SAMMSON: variants seen among roughly 807,000 people sequenced by gnomAD.
SAMMSON encodes long intergenic non-protein coding RNA 1212.
At chr3:70,020,431 T>C (rs926617068) in intron 3 of SAMMSON, among the ~76,000 whole-genome samples, 4 of 152,208 alleles carry the variant, frequency 2.6e-5, no homozygotes, top group African/African-American at 9.6e-5. Context: ...GCACTGATTT[T>C]CTTCTATTAG....
At chr3:70,296,194 T>G (rs1702287802) in intron 7 of SAMMSON, among the ~76,000 whole-genome samples, 1 of 152,224 alleles carries the variant, frequency 6.6e-6, no homozygotes, top group African/African-American at 2.4e-5. Context: ...TTTACCCATA[T>G]CACTAACCAT....
chr3:70,205,461 T>TCTTC (rs1420869084), intron 4 of SAMMSON: 3 of 152,130 alleles, frequency 2.0e-5, no homozygotes, highest in Non-Finnish European at 4.4e-5. Flanking sequence ...ATGATAGAAA[T>TCTTC]CTTCCTTACT....
rs1186002326 is a variant in SAMMSON, at chr3:70,361,347, T to A, written n.913+3023T>A. Among the ~76,000 whole-genome samples, 8 of 152,194 alleles carry A rather than the reference T, an allele frequency of 5.3e-5. No homozygotes were observed. In the South Asian group the frequency reaches 1.7e-3, roughly 31 times the overall value. ...TCCGACATTTCTAGATTACCAATTT[T>A]CAAAGAATTATAAGAAATTAGACAT... On this transcript the variant is annotated intron_variant and non_coding_transcript_variant, in intron 9 of 9. Transcript: ENST00000642114.
In SAMMSON at chr3:70,168,120, T is replaced by G. The variant is rs117352741; in HGVS notation, n.508-80987T>G. Among the ~76,000 whole-genome samples, 118 of 152,094 alleles carry G rather than the reference T, an allele frequency of 7.8e-4. 1 individual carries two copies. The East Asian group carries it at 0.011, about 15-fold the overall frequency. On this transcript the variant is annotated intron_variant and non_coding_transcript_variant, in intron 4 of 9. Transcript: ENST00000642114. ...AGGACAAAGAGTGGTTCTCCTCCAG[T>G]TTTCCTATTCCATCTTTGAGTATCT... is the stretch of plus-strand genomic sequence containing the variant.
At chr3:70,414,458 C>T (rs1701246223) in intron 2 of SAMMSON, among the ~76,000 whole-genome samples, 1 of 152,112 alleles carries the variant, frequency 6.6e-6, no homozygotes, top group African/African-American at 2.4e-5. Flanking sequence ...AAGGCATCCC[C>T]TGCAAAGGTG....
At position 70,226,737 on chromosome 3, in the gene SAMMSON, TAA is replaced by T. The variant is rs369777217; in HGVS notation, n.508-22352_508-22351del. ...TGGGCAACAGAGAGAGACTCTGTCT[TAA>T]AAAAAAAAAAAAAAAAATAGTGTGC... On this transcript the variant is annotated intron_variant and non_coding_transcript_variant, in intron 4 of 9. Coordinates refer to ENST00000642114, the Ensembl canonical transcript of SAMMSON. 2.8e-3 allele frequency among the ~76,000 whole-genome samples: 337 copies of T among 121,344 alleles called. 2 individuals are homozygous for T. The highest frequency in any genetic ancestry group is 9.6e-3 in the African/African-American group (311 of 32,406). 79.6% of individuals were successfully genotyped at this position (121,344 alleles called of 152,430 possible).
chr3:70,337,131 C>A (rs1306580136), intron 7 of SAMMSON, among the ~76,000 whole-genome samples: 2 of 79,206 alleles, frequency 2.5e-5, no homozygotes, highest in Admixed American at 1.5e-4. Context: ...ATAATAATAT[C>A]TAACTTAATA....
chr3:70,432,774 G>T (rs1701424642), intron 2 of SAMMSON, among the ~76,000 whole-genome samples: 1 of 151,898 alleles, frequency 6.6e-6, no homozygotes, highest in Admixed American at 6.6e-5. Flanking sequence ...ATATAGAATG[G>T]TTTCACTGCC....
intron 3 of SAMMSON, among the ~76,000 whole-genome samples, chr3:70,034,793 A>G (rs553005536): frequency 3.0e-4 from 46 of 152,232 alleles, no homozygotes; most frequent in African/African-American, 1.1e-3. Context: ...GCAGTGAGCC[A>G]AGATTGTGCT....
chr3:70,132,926 A>C (rs2067488665), intron 4 of SAMMSON, among the ~76,000 whole-genome samples: 1 of 152,272 alleles, frequency 6.6e-6, no homozygotes, highest in East Asian at 1.9e-4. Flanking sequence ...TGACTTAGAC[A>C]TGAGTGTTTG....
chr3:70,146,324 A>G (rs1438013065), intron 4 of SAMMSON, among the ~76,000 whole-genome samples: 1 of 152,048 alleles, frequency 6.6e-6, no homozygotes, highest in Non-Finnish European at 1.5e-5. Context: ...GTTTTATGAC[A>G]CCAGAATACC....
intron 6 of SAMMSON, among the ~76,000 whole-genome samples, chr3:70,290,105 A>T (rs1428099783): frequency 6.6e-6 from 1 of 152,126 alleles, no homozygotes; most frequent in Non-Finnish European, 1.5e-5. Context: ...GCTGGTGAGG[A>T]GCTGCGTTCC....
chr3:70,297,626 G>T lies in SAMMSON; in HGVS notation n.739+6383G>T, dbSNP rs992933462. 3.3e-5 allele frequency among the ~76,000 whole-genome samples: 5 copies of T among 152,144 alleles called. No individual in the cohort carries two copies. The South Asian group carries it at 1.0e-3, about 32-fold the overall frequency. On this transcript the variant is annotated intron_variant and non_coding_transcript_variant, in intron 7 of 9. Transcript: ENST00000642114. ...AAATGCATTAAATTCTTCCTTCAAG[G>T]ATGGAAAAATATTTGACTTAGTTTC... is the stretch of plus-strand genomic sequence containing the variant.
chr3:70,386,991 G>A (rs376942785), intron 9 of SAMMSON, among the ~76,000 whole-genome samples: 2 of 152,104 alleles, frequency 1.3e-5, no homozygotes, highest in East Asian at 1.9e-4. Context: ...CCAAGTGTAA[G>A]TGAATTCATT....
chr3:70,083,505 C>T (rs1212108491), intron 4 of SAMMSON, among the ~76,000 whole-genome samples: 1 of 152,154 alleles, frequency 6.6e-6, no homozygotes, highest in Non-Finnish European at 1.5e-5. Flanking sequence ...AAATCTTGGC[C>T]ATGACCTGTG....
At chr3:70,126,737 A>G (rs1399743922) in intron 4 of SAMMSON, 1 of 254,096 alleles carries the variant, frequency 3.9e-6, no homozygotes, top group Admixed American at 5.1e-5. Context: ...TTTTTTTGAG[A>G]TGGAATCTTG....
Position 70,381,608 on chromosome 3 carries a change from G to A in SAMMSON, n.914-7966G>A, listed in dbSNP as rs183538709. ...TGTGAGACACTACAGAGTACATGTT[G>A]CACATGAACCAAGCTAAACCTGAGT... On this transcript the variant is annotated intron_variant and non_coding_transcript_variant, in intron 9 of 9. Coordinates refer to ENST00000642114, the Ensembl canonical transcript of SAMMSON. 8.1e-4 allele frequency among the ~76,000 whole-genome samples: 123 copies of A among 152,236 alleles called. 1 individual carries two copies. Among genetic ancestry groups the A allele is most frequent in the African/African-American group, 2.9e-3 (122 of 41,548 alleles).
intron 4 of SAMMSON, among the ~76,000 whole-genome samples, chr3:70,121,516 A>C (rs2106667230): frequency 6.6e-6 from 1 of 152,340 alleles, no homozygotes. Flanking sequence ...TTGATCTTTT[A>C]ACAAAGCATC....
intron 2 of SAMMSON, among the ~76,000 whole-genome samples, chr3:70,408,674 T>A (rs757307284): frequency 2.0e-5 from 3 of 152,158 alleles, no homozygotes; most frequent in Non-Finnish European, 4.4e-5. Flanking sequence ...TCAATGAGTC[T>A]CTAGTAAGTT....
Sources: gnomAD v4.1 joint callset for allele counts (sites outside exome capture counted in the v4.1 genomes callset) on GRCh38, gnomAD v4.1.1 for gene constraint, MANE v1.5 for transcripts, NCBI Gene and HGNC (gene_info 2026-07-23, HGNC 2026-07-21) for gene names.